Variants in CLYBL observed in about 807,000 individuals in gnomAD.
The protein encoded by CLYBL is citramalyl-CoA lyase.
In CLYBL, 31 loss-of-function variants were observed where a neutral mutation model predicts 38.9. That is an observed-to-expected ratio of 0.80 (90% CI 0.60 to 1.08). CLYBL has a LOEUF of 1.08. CLYBL is among the 50% of genes least tolerant of loss of function. The pLI is 0.00. For synonymous variants in CLYBL, 171 were observed against 158.6 expected (o/e 1.08, Z -0.59); for missense variants, 434 against 411.6 (o/e 1.05, Z -0.47).
intron 1 of CLYBL, among the ~76,000 whole-genome samples, chr13:99,668,825 G>T (rs547275952): frequency 4.6e-5 from 7 of 151,996 alleles, no homozygotes; most frequent in Admixed American, 6.5e-5. Context: ...AGGATGAAGG[G>T]ATAAAATCAC....
chr13:99,674,292 C>T (rs2047611887), intron 1 of CLYBL, among the ~76,000 whole-genome samples: 1 of 151,660 alleles, frequency 6.6e-6, no homozygotes, highest in Non-Finnish European at 1.5e-5. Context: ...GCTGGGATTA[C>T]AGGCACGTGC....
chr13:99,617,525 A>G lies in CLYBL; in HGVS notation c.62+10768A>G, dbSNP rs185299980. ...AGTTTAGGAAATGAAAACAGCAAAC[A>G]GAAAACCCCATGCCAAGTGCTGTTT... On this transcript the variant is annotated intron_variant, in intron 1 of 8. Coordinates refer to ENST00000339105, the MANE Select transcript of CLYBL (RefSeq NM_206808.5). Among the ~76,000 whole-genome samples the G allele has an allele frequency of 1.2e-3, 176 of 152,340 alleles. 2 individuals are homozygous for G. Among genetic ancestry groups the G allele is most frequent in the African/African-American group, 3.9e-3 (162 of 41,582 alleles).
chr13:99,752,687 C>T (rs907176623), intron 1 of CLYBL, among the ~76,000 whole-genome samples: 1 of 152,052 alleles, frequency 6.6e-6, no homozygotes, highest in South Asian at 2.1e-4. Context: ...CTGGGGGCAC[C>T]TCTTTCCTTC....
At chr13:99,731,673 G>C (rs1017360143) in intron 1 of CLYBL, among the ~76,000 whole-genome samples, 2 of 152,206 alleles carry the variant, frequency 1.3e-5, no homozygotes, top group African/African-American at 2.4e-5. Flanking sequence ...GTAGATAGGT[G>C]TTAGCAGGAT....
chr13:99,731,620 G>A (rs1159488559), intron 1 of CLYBL, among the ~76,000 whole-genome samples: 10 of 152,140 alleles, frequency 6.6e-5, no homozygotes, highest in African/African-American at 2.4e-4. Flanking sequence ...TGATAAAGAA[G>A]GCCATACATT....
chr13:99,683,429 T>G (rs942716641), intron 1 of CLYBL, among the ~76,000 whole-genome samples: 10 of 152,226 alleles, frequency 6.6e-5, no homozygotes, highest in African/African-American at 2.4e-4. Context: ...ATAGTAACAG[T>G]AAGTTTAAAA....
intron 1 of CLYBL, among the ~76,000 whole-genome samples, chr13:99,771,557 A>G (rs1478095955): frequency 6.6e-6 from 1 of 152,192 alleles, no homozygotes; most frequent in Non-Finnish European, 1.5e-5. Context: ...CGTCCTGATT[A>G]TGGGAGCTGA....
chr13:99,877,719 G>A (rs1470288182), intron 7 of CLYBL: 1 of 277,086 alleles, frequency 3.6e-6, no homozygotes, highest in South Asian at 3.2e-5. Context: ...TAGGATTACA[G>A]GCGCACAACA....
chr13:99,774,102 G>A (rs1462600512), intron 2 of CLYBL, among the ~76,000 whole-genome samples: 1 of 151,894 alleles, frequency 6.6e-6, no homozygotes, highest in Non-Finnish European at 1.5e-5. Flanking sequence ...GTGTGGCGGC[G>A]TGTACCTGTA....
chr13:99,849,672 A>G lies in CLYBL; in HGVS notation c.250-9189A>G, dbSNP rs192635335. Among the ~76,000 whole-genome samples the G allele has an allele frequency of 3.8e-4, 58 of 152,366 alleles. No individual in the cohort carries two copies. Among genetic ancestry groups the G allele is most frequent in the African/African-American group, 1.3e-3 (54 of 41,576 alleles). On this transcript the variant is annotated intron_variant, in intron 2 of 8. Coordinates refer to ENST00000339105, the MANE Select transcript of CLYBL (RefSeq NM_206808.5). This position sits in a 1 kb window ranked among gnomAD's most constrained non-coding sequence, Gnocchi z 4.9. ...CAGAGGCCCATAAGGATGCCTGTCA[A>G]GGTCTTCGCAGAAATACCAAAGGCC...
intron 7 of CLYBL, among the ~76,000 whole-genome samples, chr13:99,881,900 AAT>A (rs2052220952): frequency 1.3e-5 from 2 of 152,188 alleles, no homozygotes; most frequent in Admixed American, 1.3e-4. Flanking sequence ...CTGGTATTGT[AAT>A]AAATTATAGT....
chr13:99,780,851 A>G (rs1423014830), intron 2 of CLYBL, among the ~76,000 whole-genome samples: 1 of 143,272 alleles, frequency 7.0e-6, no homozygotes, highest in Non-Finnish European at 1.5e-5. Flanking sequence ...GTAGCTGGGA[A>G]TACAGGTGCC....
downstream of CLYBL, among the ~76,000 whole-genome samples, chr13:99,901,654 T>TTTTTGTTTG (rs1555327302): frequency 7.0e-6 from 1 of 141,992 alleles, no homozygotes; most frequent in African/African-American, 2.7e-5. Context: ...TGTTTTTTTT[T>TTTTTGTTTG]TTTGTTTGTT....
At chr13:99,668,585 C>A (rs1234989711) in intron 1 of CLYBL, among the ~76,000 whole-genome samples, 429 of 133,520 alleles carry the variant, frequency 3.2e-3, no homozygotes, top group Middle Eastern at 7.6e-3. Flanking sequence ...AACTCCATCT[C>A]AAAAAAAAAA....
intron 9 of CLYBL, among the ~76,000 whole-genome samples, chr13:99,907,059 G>A (rs563936662): frequency 6.6e-5 from 10 of 152,206 alleles, no homozygotes; most frequent in East Asian, 1.9e-4. Context: ...TAAGTCAATC[G>A]GGAGACATTT....
downstream of CLYBL, among the ~76,000 whole-genome samples, chr13:99,898,121 A>T (rs1425115548): frequency 6.6e-6 from 1 of 152,224 alleles, no homozygotes; most frequent in East Asian, 1.9e-4. Flanking sequence ...ATGATAAAAT[A>T]GCTGGCTAAA....
intron 2 of CLYBL, among the ~76,000 whole-genome samples, chr13:99,815,219 CG>C (rs1417463951): frequency 1.3e-5 from 2 of 152,022 alleles, no homozygotes; most frequent in Non-Finnish European, 1.5e-5. Context: ...AAATCAAATC[CG>C]GGAAAGGAGC....
chr13:99,776,106 G>C (rs1302032781), intron 2 of CLYBL, among the ~76,000 whole-genome samples: 3 of 151,062 alleles, frequency 2.0e-5, no homozygotes, highest in Non-Finnish European at 4.4e-5. Context: ...AGAGCTTGCA[G>C]TGAGCCGAGA....
chr13:99,816,440 G>A (rs1475979055), intron 2 of CLYBL, among the ~76,000 whole-genome samples: 2 of 152,250 alleles, frequency 1.3e-5, no homozygotes, highest in Non-Finnish European at 2.9e-5. Flanking sequence ...CTGAAAACAA[G>A]CAAGTGTCTT....
Sources: gnomAD v4.1 joint callset for allele counts (sites outside exome capture counted in the v4.1 genomes callset) on GRCh38, gnomAD v4.1.1 for gene constraint, Gnocchi (gnomAD v3.1) non-coding constraint, MANE v1.5 for transcripts, NCBI Gene and HGNC (gene_info 2026-07-23, HGNC 2026-07-21) for gene names.